The following DENND4A variants were observed in gnomAD, a reference collection of about 807,000 sequenced individuals.
DENND4A encodes DENN domain containing 4A.
Under a neutral mutation model 199.3 loss-of-function variants are expected in DENND4A, and 70 were observed. The ratio of observed to expected loss-of-function variants is 0.35; its 90% CI spans 0.29 to 0.43. The LOEUF (loss-of-function observed/expected upper bound fraction) is 0.43, where lower values mean the gene tolerates loss of function less well. Among genes scored for constraint, DENND4A ranks in the 20% least tolerant of loss-of-function variants. The probability of loss-of-function intolerance (pLI) is 1.00; values close to 1 mark genes in which losing one functional copy is unlikely to be tolerated. For synonymous variants in DENND4A, 686 were observed against 766.9 expected, an observed-to-expected ratio of 0.89 and a Z score of 1.74; for missense variants, 1,723 against 2,255.8, an observed-to-expected ratio of 0.76 and a Z score of 4.78.
At chr15:65,665,599 T>C (rs1387531131) in intron 29 of DENND4A, 137 bp from the exon 30 acceptor site, 1 of 577,064 alleles carries the variant, frequency 1.7e-6, no homozygotes, top group Non-Finnish European at 2.8e-6. Context: ...CTGATTTATC[T>C]ACATTTGATA....
intron 1 of DENND4A, among the ~76,000 whole-genome samples, chr15:65,786,031 A>C (rs554122218): frequency 6.6e-6 from 1 of 152,324 alleles, no homozygotes; most frequent in Admixed American, 6.5e-5. Flanking sequence ...TATCCTATAA[A>C]TATCTTATAA....
intron 2 of DENND4A, among the ~76,000 whole-genome samples, chr15:65,761,137 T>G (rs1295977992): frequency 6.6e-6 from 1 of 152,176 alleles, no homozygotes; most frequent in East Asian, 1.9e-4. Flanking sequence ...ATACTTCACA[T>G]TGAAGATTTT....
intron 4 of DENND4A, among the ~76,000 whole-genome samples, chr15:65,750,679 T>G (rs907830062): frequency 1.3e-5 from 2 of 152,146 alleles, no homozygotes; most frequent in South Asian, 4.2e-4. Context: ...ACTCCATAGA[T>G]CTACAATTTG....
At chr15:65,702,725 T>C in intron 16 of DENND4A, 148 bp downstream of exon 16, 1 of 907,414 alleles carries the variant, frequency 1.1e-6, no homozygotes, top group Non-Finnish European at 1.7e-6. Flanking sequence ...TTTCTTGAAG[T>C]CAGATTGCTC....
chr15:65,679,000 A>C (rs934368327), intron 23 of DENND4A, among the ~76,000 whole-genome samples: 3 of 150,586 alleles, frequency 2.0e-5, no homozygotes, highest in African/African-American at 4.9e-5. Context: ...TTTATCTCTT[A>C]CTTCTTTTCC....
Position 65,702,897 on chromosome 15 carries a change from C to A in DENND4A, c.2199G>T (p.Leu733Phe), listed in dbSNP as rs763491665. 2 of 1,612,894 alleles carry A rather than the reference C, an allele frequency of 1.2e-6. No individual in the cohort carries two copies. The highest frequency in any genetic ancestry group is 4.5e-5 in the East Asian group (2 of 44,742). ...PSKSSSPNSP[L>F]PMFRRTKQEI... ...CCTGTTTTGTTCTTCTGAACATGGG[C>A]AAAGGGCTATTAGGACTACTTGATT... The change falls in exon 16 of 33, where the codon TTG becomes TTT. Residue 733 changes from leucine (L) to phenylalanine (F), a missense_variant. Physicochemically the swap from Leu to Phe is conservative, Grantham distance 22. This residue lies in a region of DENND4A where 725 missense variants were observed against 952.9 expected (regional missense o/e 0.76). Transcript: ENST00000443035.
chr15:65,688,145 T>C (rs1338824982), intron 23 of DENND4A, among the ~76,000 whole-genome samples: 1 of 152,210 alleles, frequency 6.6e-6, no homozygotes, highest in Admixed American at 6.5e-5. Flanking sequence ...TTACTTTTCA[T>C]TGTCATCTCC....
intron 23 of DENND4A, among the ~76,000 whole-genome samples, chr15:65,677,618 A>T (rs1364409667): frequency 6.6e-6 from 1 of 152,220 alleles, no homozygotes; most frequent in Non-Finnish European, 1.5e-5. Context: ...AAAATTTTTT[A>T]AATGTGCACT....
chr15:65,723,980 G>A (rs952736558), intron 11 of DENND4A, among the ~76,000 whole-genome samples: 15 of 152,004 alleles, frequency 9.9e-5, no homozygotes, highest in African/African-American at 3.6e-4. Flanking sequence ...AACCATACAT[G>A]GGGTAGGAGT....
At chr15:65,691,605 T>C (rs2076972367) in intron 22 of DENND4A, 94 bp from the exon 23 acceptor site, 11 of 1,280,078 alleles carry the variant, frequency 8.6e-6, no homozygotes, top group Non-Finnish European at 1.2e-5. Flanking sequence ...AAAATGATAA[T>C]AGCAAGCACT....
At chr15:65,670,220 G>A (rs1360784669) in intron 25 of DENND4A, 32 bp from the exon 26 acceptor site, 2 of 1,429,304 alleles carry the variant, frequency 1.4e-6, no homozygotes, top group African/African-American at 2.9e-5. Flanking sequence ...TATAAAGAAA[G>A]CTGGTTAATT....
Position 65,659,738 on chromosome 15 carries a change from C to T in DENND4A, c.*2113G>A, listed in dbSNP as rs974197724. On this transcript the variant is annotated 3_prime_UTR_variant, in exon 33 of 33. Transcript: ENST00000443035. Reference sequence around the variant, plus strand: ...GACTAAATCTGTGCAATAATATTCCCTAGGGATTAAAAGTAGGGGAAATAC... The same window carrying T: ...GACTAAATCTGTGCAATAATATTCCTTAGGGATTAAAAGTAGGGGAAATAC... The T allele has an allele frequency of 6.5e-6, 1 of 153,202 alleles. No individual in the cohort carries two copies. The highest frequency in any genetic ancestry group is 1.9e-4 in the East Asian group (1 of 5,224). The allele number at this position is 153,202 out of a possible 1,614,324, so 9.5% of individuals were successfully genotyped here.
At chr15:65,689,857 C>G (rs1211252719) in intron 23 of DENND4A, among the ~76,000 whole-genome samples, 2 of 152,138 alleles carry the variant, frequency 1.3e-5, no homozygotes, top group Non-Finnish European at 2.9e-5. Context: ...TGCTTCATGC[C>G]CATAATGAGC....
intron 12 of DENND4A, among the ~76,000 whole-genome samples, chr15:65,721,374 A>G (rs2075637608): frequency 1.3e-5 from 2 of 152,172 alleles, no homozygotes; most frequent in South Asian, 4.1e-4. Context: ...ATTTCCAACT[A>G]CACTATACAC....
intron 1 of DENND4A, among the ~76,000 whole-genome samples, chr15:65,777,447 G>A (rs2077312540): frequency 6.6e-6 from 1 of 151,804 alleles, no homozygotes; most frequent in Non-Finnish European, 1.5e-5. Context: ...CCACCTCCCA[G>A]GTTCAAGCGA....
chr15:65,781,483 G>C (rs1452625852), intron 1 of DENND4A, among the ~76,000 whole-genome samples: 3 of 152,138 alleles, frequency 2.0e-5, no homozygotes, highest in Non-Finnish European at 4.4e-5. Flanking sequence ...CTGGGGAAGT[G>C]ACTGATTCAA....
chr15:65,773,051 C>T (rs1014298068), intron 1 of DENND4A, among the ~76,000 whole-genome samples: 1 of 139,966 alleles, frequency 7.1e-6, no homozygotes. Context: ...CAGTGATATA[C>T]AGCACCCAGT....
intron 2 of DENND4A, among the ~76,000 whole-genome samples, chr15:65,758,023 T>C (rs1355182471): frequency 6.6e-6 from 1 of 151,980 alleles, no homozygotes; most frequent in African/African-American, 2.4e-5. Context: ...TGATTCCCCT[T>C]GAAAAGTAAA....
chr15:65,678,089 G>A (rs575946789), intron 23 of DENND4A, among the ~76,000 whole-genome samples: 13 of 151,860 alleles, frequency 8.6e-5, no homozygotes, highest in African/African-American at 1.7e-4. Flanking sequence ...CACCATGCCC[G>A]GCTAATTTTT....
Sources: allele counts gnomAD v4.1 joint callset (sites outside exome capture counted in the v4.1 genomes callset), GRCh38; gene constraint gnomAD v4.1.1; regional missense constraint gnomAD v4.1.1; transcripts MANE v1.5; gene names NCBI Gene and HGNC (gene_info 2026-07-23, HGNC 2026-07-21).